The following FUT8 variants were observed in gnomAD, a reference collection of about 807,000 sequenced individuals.
The protein encoded by FUT8 is alpha-(1,6)-fucosyltransferase.
Under a neutral mutation model 71.3 loss-of-function variants are expected in FUT8, and 29 were observed. That is an observed-to-expected ratio of 0.41 (90% CI 0.30 to 0.55). The LOEUF (loss-of-function observed/expected upper bound fraction) is 0.55, where lower values mean the gene tolerates loss of function less well. FUT8 is among the 20% of genes least tolerant of loss of function. The pLI, the probability that FUT8 is intolerant of heterozygous loss-of-function variation, is 0.34. For missense variants in FUT8, 544 were observed against 702.1 expected, an observed-to-expected ratio of 0.77 and a Z score of 2.55; for synonymous variants, 254 against 239.3, an observed-to-expected ratio of 1.06 and a Z score of -0.57.
intron 1 of FUT8, among the ~76,000 whole-genome samples, chr14:65,430,784 C>T (rs867333715): frequency 6.6e-6 from 1 of 151,828 alleles, no homozygotes; most frequent in Non-Finnish European, 1.5e-5. Context: ...GAAAAGTAGA[C>T]GTACAGAACA....
rs188361817 is a variant in FUT8, at chr14:65,669,066, T to C, written c.598-177T>C. On this transcript the variant is annotated intron_variant, in intron 6 of 10. Coordinates refer to ENST00000673929, the MANE Select transcript of FUT8 (RefSeq NM_001371533.1). This position sits in a 1 kb window ranked among gnomAD's most constrained non-coding sequence, Gnocchi z 4.5. ...GGGAGGAGGGTGAAGATCAAAAAGC[T>C]GCATATCACTTACTATGCTGATTAC... is the stretch of plus-strand genomic sequence containing the variant. 6.6e-6 allele frequency among the ~76,000 whole-genome samples: 1 copy of C among 152,048 alleles called. No homozygotes were observed. The highest frequency in any genetic ancestry group is 1.9e-4 in the East Asian group (1 of 5,172).
rs572774917 is a variant in FUT8 at position 65,423,078 on chromosome 14, C to T, written c.-326+9864C>T. On this transcript the variant is annotated intron_variant, in intron 1 of 10. Coordinates refer to ENST00000673929, the MANE Select transcript of FUT8 (RefSeq NM_001371533.1). ...TCGGCTCACTGCAACCTCCGCCTTC[C>T]GAGTTCAAGTGATTCTTCTGCCTCA... Among the ~76,000 whole-genome samples the T allele has an allele frequency of 7.3e-5, 11 of 149,984 alleles. No homozygotes were observed. In the East Asian group the frequency reaches 7.8e-4, roughly 11 times the overall value.
intron 2 of FUT8, among the ~76,000 whole-genome samples, chr14:65,492,889 A>G (rs933193218): frequency 6.6e-6 from 1 of 151,916 alleles, no homozygotes; most frequent in Non-Finnish European, 1.5e-5. Flanking sequence ...AGGAATTTTG[A>G]CCATTTCGTG....
At chr14:65,394,975 C>T in the FUT8 span, among the ~76,000 whole-genome samples, 10,709 of 152,234 alleles carry the variant, frequency 0.07, 442 homozygotes, top group Admixed American at 0.12. Context: ...AATGCCTGAC[C>T]TCATGATCCA....
intron 6 of FUT8, among the ~76,000 whole-genome samples, chr14:65,634,093 A>G: frequency 6.6e-6 from 1 of 152,184 alleles, no homozygotes; most frequent in East Asian, 1.9e-4. Flanking sequence ...ACGGGCCATG[A>G]TGACAATGGC....
intron 3 of FUT8, among the ~76,000 whole-genome samples, chr14:65,582,563 C>G (rs939358734): frequency 6.6e-6 from 1 of 152,142 alleles, no homozygotes; most frequent in African/African-American, 2.4e-5. Context: ...TCAACCTAAG[C>G]GTGTCTTCTT....
At chr14:65,487,520 G>A (rs1756981243) in intron 2 of FUT8, among the ~76,000 whole-genome samples, 1 of 141,516 alleles carries the variant, frequency 7.1e-6, no homozygotes, top group Admixed American at 7.4e-5. Context: ...CAGAGATTGT[G>A]CCACTGCACA....
In FUT8 at chr14:65,469,833, G is replaced by A. The variant is rs904302645; in HGVS notation, c.-228+14115G>A. On this transcript the variant is annotated intron_variant, in intron 2 of 10. Transcript: ENST00000673929. The stretch of plus-strand genomic sequence containing the variant: ...CTCTGGCTGATCTCGGGGCTTTTAT[G>A]GACCTCAGTGGGGAGGAAGTGTGTC... 3.9e-5 allele frequency among the ~76,000 whole-genome samples: 6 copies of A among 152,282 alleles called. No homozygotes were observed. In the East Asian group the frequency reaches 1.2e-3, roughly 29 times the overall value.
At chr14:65,578,937 G>A (rs878864432) in intron 3 of FUT8, among the ~76,000 whole-genome samples, 2 of 152,130 alleles carry the variant, frequency 1.3e-5, no homozygotes, top group East Asian at 1.9e-4. Context: ...TTGCTTGGCG[G>A]GGGTATTTTA....
intron 1 of FUT8, among the ~76,000 whole-genome samples, chr14:65,446,131 G>A (rs576232685): frequency 3.3e-5 from 5 of 152,086 alleles, no homozygotes; most frequent in East Asian, 1.9e-4. Context: ...AATTTGATAC[G>A]TCTTTTAAGC....
intron 2 of FUT8, among the ~76,000 whole-genome samples, chr14:65,494,194 TG>T (rs1177550217): frequency 1.3e-5 from 2 of 152,146 alleles, no homozygotes; most frequent in Non-Finnish European, 2.9e-5. Flanking sequence ...CAGTTAAAAT[TG>T]GTTTCAGTTA....
At chr14:65,527,545 A>C (rs1438207734) in intron 2 of FUT8, among the ~76,000 whole-genome samples, 1 of 152,140 alleles carries the variant, frequency 6.6e-6, no homozygotes, top group Non-Finnish European at 1.5e-5. Context: ...TGATCGTCTG[A>C]AGCCTCTTAT....
chr14:65,634,633 G>GT (rs1222562081), intron 6 of FUT8, among the ~76,000 whole-genome samples: 1 of 150,894 alleles, frequency 6.6e-6, no homozygotes. Flanking sequence ...TCAGTTGGCT[G>GT]TAAGTTTTTG....
At chr14:65,439,357 G>A (rs1339081329) in intron 1 of FUT8, among the ~76,000 whole-genome samples, 1 of 152,104 alleles carries the variant, frequency 6.6e-6, no homozygotes, top group Admixed American at 6.6e-5. Context: ...AGAGATGGAG[G>A]GAAACAAGTC....
chr14:65,508,067 CTTT>C (rs71446303), intron 2 of FUT8, among the ~76,000 whole-genome samples: 8 of 126,020 alleles, frequency 6.3e-5, no homozygotes, highest in Non-Finnish European at 8.5e-5. Context: ...ATGTTAAACA[CTTT>C]TTTTTTTTTT....
the FUT8 span, among the ~76,000 whole-genome samples, chr14:65,388,760 T>C: frequency 1.3e-5 from 2 of 150,602 alleles, no homozygotes; most frequent in Non-Finnish European, 2.9e-5. Flanking sequence ...AGATTCCATC[T>C]CCAAAAATAA....
chr14:65,485,013 T>G (rs2066387475), intron 2 of FUT8, among the ~76,000 whole-genome samples: 1 of 152,134 alleles, frequency 6.6e-6, no homozygotes, highest in Non-Finnish European at 1.5e-5. Flanking sequence ...TCCATGTCTC[T>G]TAATGTTTTG....
chr14:65,589,696 G>A (rs569435490), intron 3 of FUT8, among the ~76,000 whole-genome samples: 10 of 152,048 alleles, frequency 6.6e-5, no homozygotes, highest in Non-Finnish European at 1.2e-4. Flanking sequence ...TGCCCGCCTC[G>A]GCCTCCCAAA....
chr14:65,525,360 T>G (rs1883379525), intron 2 of FUT8, among the ~76,000 whole-genome samples: 2 of 152,220 alleles, frequency 1.3e-5, no homozygotes, highest in Admixed American at 6.5e-5. Context: ...TAGAGGTGTT[T>G]ATAGTATTCT....
Sources: allele counts gnomAD v4.1 joint callset (sites outside exome capture counted in the v4.1 genomes callset), GRCh38; gene constraint gnomAD v4.1.1; non-coding constraint Gnocchi (gnomAD v3.1); transcripts MANE v1.5; gene names NCBI Gene and HGNC (gene_info 2026-07-23, HGNC 2026-07-21).